Variants in GRID1 observed in about 807,000 individuals in gnomAD.
The protein encoded by GRID1 is glutamate ionotropic receptor delta type subunit 1.
GRID1 carries 28 observed loss-of-function variants against 98.0 expected under a neutral mutation model. The observed-to-expected ratio is 0.29, with a 90% CI of 0.21 to 0.39. The LOEUF is 0.39. Ranked by LOEUF, GRID1 falls within the 10% of genes least tolerant of loss-of-function variation. The pLI is 1.00. For synonymous variants in GRID1, 553 were observed against 538.5 expected, an observed-to-expected ratio of 1.03 and a Z score of -0.37; for missense variants, 1,111 against 1,340.5, an observed-to-expected ratio of 0.83 and a Z score of 2.67.
chr10:85,666,486 C>T (rs912066346), intron 12 of GRID1, among the ~76,000 whole-genome samples: 1 of 152,194 alleles, frequency 6.6e-6, no homozygotes, highest in Non-Finnish European at 1.5e-5. Flanking sequence ...TGCCTCTCCC[C>T]AGCGGGGGCA....
At chr10:86,209,408 T>C (rs927359632) in intron 2 of GRID1, among the ~76,000 whole-genome samples, 7 of 152,196 alleles carry the variant, frequency 4.6e-5, no homozygotes, top group African/African-American at 1.7e-4. Context: ...GTAGGTATCA[T>C]TGCATCCATT....
chr10:85,803,887 A>G (rs1842598814), intron 8 of GRID1, among the ~76,000 whole-genome samples: 1 of 152,008 alleles, frequency 6.6e-6, no homozygotes, highest in Non-Finnish European at 1.5e-5. Flanking sequence ...TATGGGACAC[A>G]GTCAAAGCAG....
In GRID1 at chr10:85,772,743, G is replaced by A. The variant is rs1842285662; in HGVS notation, c.1234-43129C>T. On this transcript the variant is annotated intron_variant, in intron 8 of 15. Coordinates refer to ENST00000327946, the MANE Select transcript of GRID1 (RefSeq NM_017551.3). ...TCTAGAAGAAATGGATAAATTCCTC[G>A]ACACATACACCCTCCCAAGACTAAA... 7.9e-5 allele frequency among the ~76,000 whole-genome samples: 12 copies of A among 152,218 alleles called. No individual in the cohort carries two copies. In the South Asian group the frequency reaches 2.5e-3, roughly 32 times the overall value.
chr10:85,998,062 C>A (rs12775290), intron 4 of GRID1, among the ~76,000 whole-genome samples: 9,872 of 152,138 alleles, frequency 0.065, 391 homozygotes, highest in Non-Finnish European at 0.091. Flanking sequence ...GACTCCAACA[C>A]AACTTTCTCA....
chr10:85,713,393 A>G (rs375119405), intron 12 of GRID1, among the ~76,000 whole-genome samples: 3 of 151,782 alleles, frequency 2.0e-5, no homozygotes, highest in African/African-American at 7.2e-5. Context: ...AGTGGGTAAT[A>G]AGATTGAAAC....
intron 4 of GRID1, among the ~76,000 whole-genome samples, chr10:86,130,073 C>T (rs1405709242): frequency 6.6e-6 from 1 of 152,274 alleles, no homozygotes; most frequent in African/African-American, 2.4e-5. Flanking sequence ...CCAGTGCCAT[C>T]CTCACCAGCC....
At chr10:86,303,600 C>A (rs1028027445) in intron 2 of GRID1, among the ~76,000 whole-genome samples, 1 of 152,214 alleles carries the variant, frequency 6.6e-6, no homozygotes, top group Non-Finnish European at 1.5e-5. Flanking sequence ...GAGGTGGTCT[C>A]ATTAGCTCCC....
chr10:86,063,436 T>C (rs1294285604), intron 4 of GRID1, among the ~76,000 whole-genome samples: 1 of 152,136 alleles, frequency 6.6e-6, no homozygotes, highest in East Asian at 1.9e-4. Context: ...ACTTCTCCAA[T>C]AACTACAGTG....
intron 4 of GRID1, among the ~76,000 whole-genome samples, chr10:86,130,764 C>G (rs946408244): frequency 1.9e-4 from 29 of 152,138 alleles, no homozygotes; most frequent in African/African-American, 7.0e-4. Context: ...ATCTGAGTAC[C>G]AAGAGGGCGC....
chr10:85,640,522 A>C (rs757625232), intron 13 of GRID1, among the ~76,000 whole-genome samples: 2 of 152,174 alleles, frequency 1.3e-5, no homozygotes, highest in Admixed American at 1.3e-4. Context: ...GCCTCGCCCT[A>C]CTTCTCAGTA....
At chr10:85,888,586 A>G (rs1841150473) in intron 5 of GRID1, among the ~76,000 whole-genome samples, 1 of 152,134 alleles carries the variant, frequency 6.6e-6, no homozygotes, top group Admixed American at 6.5e-5. Context: ...GAGACTAGGG[A>G]CCTACACTGA....
intron 14 of GRID1, among the ~76,000 whole-genome samples, chr10:85,614,152 T>A (rs181016810): frequency 6.6e-6 from 1 of 152,236 alleles, no homozygotes; most frequent in Non-Finnish European, 1.5e-5. Flanking sequence ...CCTAGTATGA[T>A]GTTCAGCACT....
chr10:85,626,697 G>A (rs766526332), intron 13 of GRID1, among the ~76,000 whole-genome samples: 5 of 152,078 alleles, frequency 3.3e-5, no homozygotes, highest in East Asian at 1.9e-4. Context: ...CTATAGTCAC[G>A]TTCATTCAAT....
intron 3 of GRID1, among the ~76,000 whole-genome samples, chr10:86,181,870 T>A: frequency 6.6e-6 from 1 of 152,274 alleles, no homozygotes; most frequent in South Asian, 2.1e-4. Flanking sequence ...TATAGCTCCA[T>A]GAGGGCAGGA....
intron 4 of GRID1, among the ~76,000 whole-genome samples, chr10:85,990,996 G>T (rs1842672824): frequency 6.6e-6 from 1 of 152,106 alleles, no homozygotes; most frequent in South Asian, 2.1e-4. Flanking sequence ...CCCAAGGCAT[G>T]GGTAACCTTT....
At chr10:86,275,840 A>T (rs1400760863) in intron 2 of GRID1, among the ~76,000 whole-genome samples, 1 of 152,204 alleles carries the variant, frequency 6.6e-6, no homozygotes, top group Non-Finnish European at 1.5e-5. Flanking sequence ...GAAGAGAGAG[A>T]TAAAGGGGAA....
rs370468452 is a variant in GRID1 at position 86,061,087 on chromosome 10, C to G, written c.726+77732G>C. Among the ~76,000 whole-genome samples the G allele has an allele frequency of 5.9e-5, 9 of 152,320 alleles. 1 individual carries two copies. In the South Asian group the frequency reaches 1.9e-3, roughly 32 times the overall value. ...TGGCCCTTCCTGGTGCCTCCACTAT[C>G]CTTCTCCCACCCCCACCTCCTGGGG... On this transcript the variant is annotated intron_variant, in intron 4 of 15. Coordinates refer to ENST00000327946, the MANE Select transcript of GRID1 (RefSeq NM_017551.3).
intron 2 of GRID1, among the ~76,000 whole-genome samples, chr10:86,262,908 C>T (rs1223582887): frequency 6.6e-6 from 1 of 152,164 alleles, no homozygotes; most frequent in Admixed American, 6.5e-5. Flanking sequence ...GCTCCCTGCG[C>T]GGCGTTCCCA....
At chr10:86,006,250 A>G (rs1842859005) in intron 4 of GRID1, among the ~76,000 whole-genome samples, 1 of 152,234 alleles carries the variant, frequency 6.6e-6, no homozygotes, top group Admixed American at 6.5e-5. Context: ...AAATATGATT[A>G]TCCACTTGGG....
Sources: gnomAD v4.1 joint callset for allele counts (sites outside exome capture counted in the v4.1 genomes callset) on GRCh38, gnomAD v4.1.1 for gene constraint, MANE v1.5 for transcripts, NCBI Gene and HGNC (gene_info 2026-07-23, HGNC 2026-07-21) for gene names.